Variants in PRPF18 observed in about 807,000 individuals in gnomAD.
The protein encoded by PRPF18 is pre-mRNA processing factor 18.
A neutral mutation model predicts 46.5 loss-of-function variants in PRPF18; 38 were observed. That is an observed-to-expected ratio of 0.82 (90% CI 0.63 to 1.07). The LOEUF (loss-of-function observed/expected upper bound fraction) is 1.07. Among genes scored for constraint, PRPF18 ranks in the 50% least tolerant of loss-of-function variants. The pLI is 0.00. For synonymous variants in PRPF18, 152 were observed against 146.7 expected (o/e 1.04, Z -0.26); for missense variants, 263 against 410.0 (o/e 0.64, Z 3.10).
At chr10:13,627,237 A>T (rs926833997) in intron 9 of PRPF18, among the ~76,000 whole-genome samples, 3 of 151,536 alleles carry the variant, frequency 2.0e-5, no homozygotes, top group African/African-American at 4.8e-5. Context: ...ATCGTTGAAA[A>T]TTTTTTTTTA....
intron 1 of PRPF18, among the ~76,000 whole-genome samples, chr10:13,594,048 G>C (rs779158103): frequency 6.6e-6 from 1 of 152,158 alleles, no homozygotes; most frequent in Non-Finnish European, 1.5e-5. Context: ...CTGGTCTCAG[G>C]TCTCATTCTC....
At chr10:13,651,980 C>A in the PRPF18 span, 8 of 1,535,112 alleles carry the variant, frequency 5.2e-6, no homozygotes, top group Non-Finnish European at 7.2e-6. Flanking sequence ...CTTCTCTGAA[C>A]AAAGGAAAGC....
chr10:13,639,517 G>GT, the PRPF18 span: 2 of 105,666 alleles, frequency 1.9e-5, no homozygotes, highest in East Asian at 5.0e-4. Flanking sequence ...ACTAACGTGG[G>GT]CCAAAAAAAA....
At position 13,630,355 on chromosome 10, in the gene PRPF18, G is replaced by A. The variant is rs780565817; in HGVS notation, c.*15G>A. The A allele has an allele frequency of 1.3e-6, 2 of 1,584,238 alleles. No homozygotes were observed. Among genetic ancestry groups the A allele is most frequent in the South Asian group, 1.1e-5 (1 of 89,846 alleles). ...ATGCACTGTGAGATCTGTGTATGGT[G>A]TGTTAATAACAATAAGAAACTTAGG... On this transcript the variant is annotated 3_prime_UTR_variant, in exon 10 of 10. Coordinates refer to ENST00000378572, the MANE Select transcript of PRPF18 (RefSeq NM_003675.4).
chr10:13,600,090 G>A (rs1485154315), intron 2 of PRPF18, among the ~76,000 whole-genome samples, 154 bp from the exon 3 acceptor site: 1 of 152,164 alleles, frequency 6.6e-6, no homozygotes, highest in Non-Finnish European at 1.5e-5. Context: ...TCTTTTGTAA[G>A]CATGTACACT....
At chr10:13,644,768 A>G in the PRPF18 span, 31 of 152,260 alleles carry the variant, frequency 2.0e-4, no homozygotes, top group African/African-American at 7.5e-4. Flanking sequence ...AAATGGCCCA[A>G]TGTATAATGT....
chr10:13,588,576 TAAAA>T (rs771376532), intron 1 of PRPF18, among the ~76,000 whole-genome samples: 3 of 127,294 alleles, frequency 2.4e-5, no homozygotes, highest in Admixed American at 1.6e-4. Context: ...TCCCTGTCTC[TAAAA>T]AAAAAAAAAA....
chr10:13,639,878 C>A, the PRPF18 span: 1 of 152,218 alleles, frequency 6.6e-6, no homozygotes, highest in Admixed American at 6.5e-5. Flanking sequence ...GAAGGGAGCT[C>A]CCCCCTTCTA....
the PRPF18 span, chr10:13,654,209 C>G: frequency 1.7e-6 from 1 of 597,798 alleles, no homozygotes. Context: ...TAAGAGAACA[C>G]AGACAATTCA....
the PRPF18 span, chr10:13,654,480 G>A: frequency 6.2e-7 from 1 of 1,613,874 alleles, no homozygotes; most frequent in Middle Eastern, 1.6e-4. Context: ...TCACTTGACG[G>A]TGTCGAGCTT....
At chr10:13,620,447 C>T (rs534158369) in intron 9 of PRPF18, among the ~76,000 whole-genome samples, 3 of 152,270 alleles carry the variant, frequency 2.0e-5, no homozygotes, top group African/African-American at 7.2e-5. Flanking sequence ...CCTCAACAAA[C>T]ATTGTAGTGC....
chr10:13,611,168 A>T (rs2080263051), intron 5 of PRPF18, among the ~76,000 whole-genome samples: 2 of 143,792 alleles, frequency 1.4e-5, no homozygotes, highest in East Asian at 2.1e-4. Context: ...AATAATTGGT[A>T]TGGGCAACCA....
At chr10:13,635,073 AGT>A (rs1480540996), downstream of PRPF18, among the ~76,000 whole-genome samples, 1 of 152,080 alleles carries the variant, frequency 6.6e-6, no homozygotes, top group East Asian at 1.9e-4. Context: ...AACAGGCCCC[AGT>A]GTGTGTTGTT....
chr10:13,608,502 C>G (rs908844098), intron 4 of PRPF18, among the ~76,000 whole-genome samples: 1 of 152,222 alleles, frequency 6.6e-6, no homozygotes, highest in Non-Finnish European at 1.5e-5. Context: ...TTTCAGTCCT[C>G]TGTGTCTGTA....
chr10:13,616,581 C>T (rs1331862272), intron 9 of PRPF18, 28 bp downstream of exon 9: 1 of 1,609,608 alleles, frequency 6.2e-7, no homozygotes, highest in South Asian at 1.1e-5. Context: ...CCGGGAATTG[C>T]CCTGGAAGTG....
At chr10:13,618,444 A>G (rs980776104) in intron 9 of PRPF18, among the ~76,000 whole-genome samples, 1 of 151,938 alleles carries the variant, frequency 6.6e-6, no homozygotes, top group Admixed American at 6.5e-5. Flanking sequence ...CCTGGGCAAC[A>G]TAGCGAGACC....
At chr10:13,611,026 T>A (rs908258396) in intron 5 of PRPF18, among the ~76,000 whole-genome samples, 1 of 152,312 alleles carries the variant, frequency 6.6e-6, no homozygotes, top group South Asian at 2.1e-4. Flanking sequence ...CATAAACTTA[T>A]TTTTCTGTTT....
intron 1 of PRPF18, chr10:13,591,739 A>C: frequency 8.4e-7 from 1 of 1,186,426 alleles, no homozygotes; most frequent in Non-Finnish European, 1.2e-6. Flanking sequence ...TGAGGTGGCA[A>C]TGACAGATTT....
At chr10:13,592,214 G>C (rs909670614) in intron 1 of PRPF18, 1 of 612,402 alleles carries the variant, frequency 1.6e-6, no homozygotes, top group African/African-American at 1.9e-5. Flanking sequence ...CCCCTTCTTG[G>C]GCTTCTTAGC....
Sources: gnomAD v4.1 joint callset for allele counts (sites outside exome capture counted in the v4.1 genomes callset) on GRCh38, gnomAD v4.1.1 for gene constraint, MANE v1.5 for transcripts, NCBI Gene and HGNC (gene_info 2026-07-23, HGNC 2026-07-21) for gene names.